The following METRN variants were observed in gnomAD, a reference collection of about 807,000 sequenced individuals.
METRN encodes the protein meteorin, glial cell differentiation regulator.
In METRN, 17 loss-of-function variants were observed where a neutral mutation model predicts 17.4. That is an observed-to-expected ratio of 0.98 (90% confidence interval 0.67 to 1.46). METRN has a LOEUF of 1.46. Among genes scored for constraint, METRN ranks in the 40% most tolerant of loss-of-function variants. The pLI is 0.00. For synonymous variants in METRN, 230 were observed against 210.8 expected, an observed-to-expected ratio of 1.09 and a Z score of -0.79; for missense variants, 489 against 456.2, an observed-to-expected ratio of 1.07 and a Z score of -0.65.
chr16:716,018 T>C, intron 2 of METRN, 34 bp downstream of exon 2: 1 of 1,421,248 alleles, frequency 7.0e-7, no homozygotes. Flanking sequence ...AGGGTGGGAG[T>C]CCCGAAGTCT....
chr16:715,191 GGCCGGCGCCCCCGGCTGCTCCC>G lies in METRN; in HGVS notation c.-94_-73del. ...CTTGGGGGCTTCGCCGGGGCCGGGC[GGCCGGCGCCCCCGGCTGCTCCC>G]GCCGCCGCCCGGACCCGCGCCCCGC... On this transcript the variant is annotated 5_prime_UTR_variant, in exon 1 of 4. Coordinates refer to ENST00000568223, the MANE Select transcript of METRN (RefSeq NM_024042.4). 1 of 395,732 alleles carries G rather than the reference GGCCGGCGCCCCCGGCTGCTCCC, an allele frequency of 2.5e-6. No homozygotes were observed. The highest frequency in any genetic ancestry group is 3.4e-6 in the Non-Finnish European group (1 of 293,400). The allele number at this position is 395,732 out of a possible 1,614,324, so 24.5% of individuals were successfully genotyped here. A position where few individuals can be genotyped will look rare whatever the true frequency, so the allele number is the denominator to read the frequency against.
chr16:716,350 A>G, intron 2 of METRN: 1 of 1,408,382 alleles, frequency 7.1e-7, no homozygotes, highest in Non-Finnish European at 9.2e-7. Context: ...CCCCTCCCCC[A>G]GCCCAACCAA....
Position 715,333 on chromosome 16 carries a change from G to A in METRN, c.44G>A (p.Gly15Asp), listed in dbSNP as rs1170054708. 1.5e-6 allele frequency: 2 copies of A among 1,344,456 alleles called. No individual in the cohort carries two copies. The highest frequency in any genetic ancestry group is 9.5e-7 in the Non-Finnish European group (1 of 1,049,536). The allele number at this position is 1,344,456 out of a possible 1,614,324, so 83.3% of individuals were successfully genotyped here. The stretch of plus-strand genomic sequence containing the variant: ...GCGCTGCTCTGCGCGCTGTGCTGCG[G>A]CCTCCTGGCCCCGGCTGCCCGCGCC... ...AAALLCALCC[G>D]LLAPAARAGY... Residue 15 changes from glycine (G) to aspartate (D), a missense_variant, in exon 1 of 4, where the codon GGC becomes GAC. Coordinates refer to ENST00000568223, the MANE Select transcript of METRN (RefSeq NM_024042.4).
chr16:715,563 C>T (rs561032272), intron 1 of METRN, 21 bp from the exon 2 acceptor site: 9 of 1,304,128 alleles, frequency 6.9e-6, no homozygotes, highest in African/African-American at 4.7e-5. Context: ...GTCTCAGCGC[C>T]CCGTCCCGTC....
rs1409195275 is a variant in METRN, at chr16:719,284, G to T, written c.*1897G>T. 1 of 152,296 alleles carries T rather than the reference G, an allele frequency of 6.6e-6. No homozygotes were observed. Among genetic ancestry groups the T allele is most frequent in the Non-Finnish European group, 1.5e-5 (1 of 68,092 alleles). The allele number at this position is 152,296 out of a possible 1,614,324, so 9.4% of individuals were successfully genotyped here. A position where few individuals can be genotyped will look rare whatever the true frequency, so the allele number is the denominator to read the frequency against. On this transcript the variant is annotated 3_prime_UTR_variant, in exon 4 of 4. Coordinates refer to ENST00000568223, the MANE Select transcript of METRN (RefSeq NM_024042.4). Reference sequence around the variant, plus strand: ...CAGGAGCACCACGGTGCCCAAATGGGTCTTGGAGCATTAGACCAGGGGCTT... The same window carrying T: ...CAGGAGCACCACGGTGCCCAAATGGTTCTTGGAGCATTAGACCAGGGGCTT...
At chr16:716,187 A>T in intron 2 of METRN, 1 of 985,234 alleles carries the variant, frequency 1.0e-6, no homozygotes, top group Non-Finnish European at 1.2e-6. Flanking sequence ...CTCTGGAAAG[A>T]GCTGGCAGGG....
At position 717,321 on chromosome 16, in the gene METRN, G is replaced by A. The variant is rs1351044537; in HGVS notation, c.816G>A (p.Glu272=). 5 of 1,504,198 alleles carry A rather than the reference G, an allele frequency of 3.3e-6. No individual in the cohort carries two copies. The highest frequency in any genetic ancestry group is 4.4e-6 in the Non-Finnish European group (5 of 1,127,802). 93.2% of individuals were successfully genotyped at this position (1,504,198 alleles called of 1,614,324 possible). The change falls in exon 4 of 4, where the codon GAG becomes GAA. Residue 272 remains glutamate (E), a synonymous_variant. Transcript: ENST00000568223. ...TGGGCTGTGCCCCACGATTCCAGGA[G>A]TTCCGCCGTGCCTACGAGGCTGCCC... is the stretch of plus-strand genomic sequence containing the variant. The part of the protein sequence containing the change: ...ARLGCAPRFQ[E]FRRAYEAARA...
In METRN at chr16:715,576, G is replaced by T; in HGVS notation, c.105-8G>T. ...CCGTCTCAGCGCCCCGTCCCGTCCTGTCCCCAGCGGCCTCACCCAGGAGCC... is the reference window on the plus strand; with the variant it reads ...CCGTCTCAGCGCCCCGTCCCGTCCTTTCCCCAGCGGCCTCACCCAGGAGCC... On this transcript the variant is annotated splice_polypyrimidine_tract_variant and splice_region_variant and intron_variant, in intron 1 of 3. Transcript: ENST00000568223. 7.4e-7 allele frequency: 1 copy of T among 1,344,154 alleles called. No homozygotes were observed. The highest frequency in any genetic ancestry group is 9.5e-7 in the Non-Finnish European group (1 of 1,053,268). The allele number at this position is 1,344,154 out of a possible 1,614,324, so 83.3% of individuals were successfully genotyped here. A position where few individuals can be genotyped will look rare whatever the true frequency, so the allele number is the denominator to read the frequency against.
rs2040179018 is a variant in METRN at position 718,468 on chromosome 16, C to T, written c.*1081C>T. 1 of 152,290 alleles carries T rather than the reference C, an allele frequency of 6.6e-6. No individual in the cohort carries two copies. The highest frequency in any genetic ancestry group is 2.1e-4 in the South Asian group (1 of 4,838). The allele number at this position is 152,290 out of a possible 1,614,324, so 9.4% of individuals were successfully genotyped here. ...GCCCTGCCCAGGCAGATGAAGCCCC[C>T]AGCTTTCAAGGGGGAAACTGAGGCT... On this transcript the variant is annotated 3_prime_UTR_variant, in exon 4 of 4. Transcript: ENST00000568223.
At chr16:715,449 C>T in intron 1 of METRN, 56 bp downstream of exon 1, 1 of 1,255,722 alleles carries the variant, frequency 8.0e-7, no homozygotes, top group Non-Finnish European at 1.0e-6. Context: ...CGGCTAGGAC[C>T]CCCCAGGCGC....
Position 717,452 on chromosome 16 carries a change from G to T in METRN, c.*65G>T. On this transcript the variant is annotated 3_prime_UTR_variant, in exon 4 of 4. Coordinates refer to ENST00000568223, the MANE Select transcript of METRN (RefSeq NM_024042.4). Reference sequence around the variant, plus strand: ...GGGCCCACTGCTTTGGAGGTGATGGGACTATCAATAAGAACTCTGTTCACG... The same window carrying T: ...GGGCCCACTGCTTTGGAGGTGATGGTACTATCAATAAGAACTCTGTTCACG... 7.6e-7 allele frequency: 1 copy of T among 1,316,438 alleles called. No homozygotes were observed. The highest frequency in any genetic ancestry group is 1.8e-5 in the South Asian group (1 of 56,684). The allele number at this position is 1,316,438 out of a possible 1,614,324, so 81.5% of individuals were successfully genotyped here.
In METRN at chr16:717,466, A is replaced by C; in HGVS notation, c.*79A>C. The stretch of plus-strand genomic sequence containing the variant: ...GGAGGTGATGGGACTATCAATAAGA[A>C]CTCTGTTCACGCAAGCTGCTGTGGA... On this transcript the variant is annotated 3_prime_UTR_variant, in exon 4 of 4. Coordinates refer to ENST00000568223, the MANE Select transcript of METRN (RefSeq NM_024042.4). 6 of 1,255,754 alleles carry C rather than the reference A, an allele frequency of 4.8e-6. No individual in the cohort carries two copies. The highest frequency in any genetic ancestry group is 3.6e-5 in the Admixed American group (1 of 27,648). The allele number at this position is 1,255,754 out of a possible 1,614,324, so 77.8% of individuals were successfully genotyped here.
rs2040186256 is a variant in METRN, at chr16:719,219, G to A, written c.*1832G>A. On this transcript the variant is annotated 3_prime_UTR_variant, in exon 4 of 4. Coordinates refer to ENST00000568223, the MANE Select transcript of METRN (RefSeq NM_024042.4). ...TACAGACCCTCCCAGAGAAAGCCCT[G>A]GCTTTGCAACCAGCTGTCTTCTCAT... The A allele has an allele frequency of 6.6e-6, 1 of 152,260 alleles. No homozygotes were observed. Among genetic ancestry groups the A allele is most frequent in the African/African-American group, 2.4e-5 (1 of 41,444 alleles). The allele number at this position is 152,260 out of a possible 1,614,324, so 9.4% of individuals were successfully genotyped here.
At position 717,449 on chromosome 16, in the gene METRN, T is replaced by TG. The variant is rs199963831; in HGVS notation, c.*65dup. The TG allele has an allele frequency of 6.9e-3, 9,051 of 1,315,260 alleles. 202 individuals carry two copies. The highest frequency in any genetic ancestry group is 0.047 in the South Asian group (2,615 of 56,156). 81.5% of individuals were successfully genotyped at this position (1,315,260 alleles called of 1,614,324 possible). A position where few individuals can be genotyped will look rare whatever the true frequency, so the allele number is the denominator to read the frequency against. On this transcript the variant is annotated 3_prime_UTR_variant, in exon 4 of 4. Transcript: ENST00000568223. ...GGTGGGCCCACTGCTTTGGAGGTGATGGGACTATCAATAAGAACTCTGTTC... is the reference window on the plus strand; with the variant it reads ...GGTGGGCCCACTGCTTTGGAGGTGATGGGGACTATCAATAAGAACTCTGTTC...
intron 2 of METRN, chr16:716,694 T>C (rs2040164343): frequency 3.3e-6 from 5 of 1,535,454 alleles, no homozygotes; most frequent in Non-Finnish European, 4.4e-6. Context: ...GGCCCACGTC[T>C]GTGTGCATTC....
chr16:717,732 C>G lies in METRN; in HGVS notation c.*345C>G, dbSNP rs1471473283. 1 of 258,346 alleles carries G rather than the reference C, an allele frequency of 3.9e-6. No individual in the cohort carries two copies. Among genetic ancestry groups the G allele is most frequent in the African/African-American group, 2.2e-5 (1 of 45,196 alleles). 16.0% of individuals were successfully genotyped at this position (258,346 alleles called of 1,614,324 possible). ...CATGCAAGCTTCTGCTCTGCTGCAC[C>G]CACCAGCCCCGTCCTTGCCCGCACC... On this transcript the variant is annotated 3_prime_UTR_variant, in exon 4 of 4. Transcript: ENST00000568223.
rs1310942166 is a variant in METRN, at chr16:715,234, C to G, written c.-56C>G. The G allele has an allele frequency of 2.1e-5, 20 of 974,658 alleles. No individual in the cohort carries two copies. The highest frequency in any genetic ancestry group is 2.5e-5 in the Non-Finnish European group (20 of 794,046). 60.4% of individuals were successfully genotyped at this position (974,658 alleles called of 1,614,324 possible). ...CTCCCGCCGCCGCCCGGACCCGCGC[C>G]CCGCCGGGGCAGCGGTGGTGAGAGC... On this transcript the variant is annotated 5_prime_UTR_variant, in exon 1 of 4. Coordinates refer to ENST00000568223, the MANE Select transcript of METRN (RefSeq NM_024042.4).
In METRN at chr16:717,234, C is replaced by A; in HGVS notation, c.729C>A (p.Gly243=). The part of the protein sequence containing the change: ...LTSIRTPLRC[G]VHPGPGTFLF... Reference sequence around the variant, plus strand: ...CCATTCGTACCCCACTGCGCTGTGGCGTCCACCCGGGCCCAGGCACCTTCC... The same window carrying A: ...CCATTCGTACCCCACTGCGCTGTGGAGTCCACCCGGGCCCAGGCACCTTCC... The change falls in exon 4 of 4, where the codon GGC becomes GGA. Residue 243 remains glycine (G), a synonymous_variant. Transcript: ENST00000568223. 1 of 1,581,214 alleles carries A rather than the reference C, an allele frequency of 6.3e-7. No homozygotes were observed. The highest frequency in any genetic ancestry group is 2.3e-5 in the East Asian group (1 of 43,248).
At chr16:716,025 G>C (rs777430740) in intron 2 of METRN, 41 bp downstream of exon 2, 1 of 1,404,378 alleles carries the variant, frequency 7.1e-7, no homozygotes, top group Non-Finnish European at 9.2e-7. Context: ...GAGTCCCGAA[G>C]TCTTACCCTG....
Sources: allele counts gnomAD v4.1 joint callset, GRCh38; gene constraint gnomAD v4.1.1; transcripts MANE v1.5; gene names NCBI Gene and HGNC (gene_info 2026-07-23, HGNC 2026-07-21).